Variants in SPMIP2 observed in about 807,000 individuals in gnomAD.
SPMIP2 encodes sperm microtubule inner protein 2, also known as protein SPMIP2.
At chr4:159,055,701 C>T in the SPMIP2 span, among the ~76,000 whole-genome samples, 1 of 151,866 alleles carries the variant, frequency 6.6e-6, no homozygotes, top group Non-Finnish European at 1.5e-5. Context: ...CAGAGTAAGA[C>T]CCTGTCTCAA....
chr4:159,023,442 G>A, the SPMIP2 span, among the ~76,000 whole-genome samples: 57 of 152,248 alleles, frequency 3.7e-4, no homozygotes, highest in African/African-American at 8.2e-4. Flanking sequence ...ATAATCACAT[G>A]AGCCAATCCC....
At chr4:158,905,781 C>T in the SPMIP2 span, 1 of 151,314 alleles carries the variant, frequency 6.6e-6, no homozygotes, top group Non-Finnish European at 1.5e-5. Flanking sequence ...GTACTGACAT[C>T]CAGGGTAAAG....
the SPMIP2 span, among the ~76,000 whole-genome samples, chr4:159,039,011 C>T: frequency 6.6e-6 from 1 of 152,128 alleles, no homozygotes; most frequent in Non-Finnish European, 1.5e-5. Flanking sequence ...CAGAGTCTCA[C>T]TGTGTCACCC....
chr4:159,040,648 T>C, the SPMIP2 span, among the ~76,000 whole-genome samples: 1 of 152,016 alleles, frequency 6.6e-6, no homozygotes, highest in Non-Finnish European at 1.5e-5. Context: ...GTACATTTTG[T>C]AGAAAAAAGG....
At chr4:159,044,368 C>CAA in the SPMIP2 span, among the ~76,000 whole-genome samples, 44 of 99,690 alleles carry the variant, frequency 4.4e-4, no homozygotes, top group Non-Finnish European at 6.6e-4. Flanking sequence ...GACTCCATCT[C>CAA]AAAAAAAAAA....
At chr4:158,986,725 G>A in the SPMIP2 span, among the ~76,000 whole-genome samples, 4 of 152,114 alleles carry the variant, frequency 2.6e-5, no homozygotes, top group Non-Finnish European at 5.9e-5. Flanking sequence ...GCATGGGCAA[G>A]GACTTCATGT....
chr4:159,040,455 G>A, the SPMIP2 span, among the ~76,000 whole-genome samples: 1 of 151,080 alleles, frequency 6.6e-6, no homozygotes, highest in Non-Finnish European at 1.5e-5. Flanking sequence ...ACAGGTGTGA[G>A]CCACTGCGCC....
chr4:159,037,767 T>C, the SPMIP2 span, among the ~76,000 whole-genome samples: 1 of 146,988 alleles, frequency 6.8e-6, no homozygotes. Context: ...AGTGAGACCT[T>C]GTCTCAAAAA....
At chr4:158,927,998 C>G in the SPMIP2 span, among the ~76,000 whole-genome samples, 1 of 152,224 alleles carries the variant, frequency 6.6e-6, no homozygotes, top group East Asian at 1.9e-4. Flanking sequence ...CCTCTGTGGG[C>G]TCCTGTGCAG....
the SPMIP2 span, among the ~76,000 whole-genome samples, chr4:159,025,854 G>A: frequency 6.6e-6 from 1 of 152,144 alleles, no homozygotes; most frequent in East Asian, 1.9e-4. Context: ...GGGGAAAGCC[G>A]ACATTGGTGT....
chr4:158,944,770 G>A, the SPMIP2 span, among the ~76,000 whole-genome samples: 1 of 152,034 alleles, frequency 6.6e-6, no homozygotes, highest in African/African-American at 2.4e-5. Flanking sequence ...CATCCCTTCT[G>A]GTAAGTCCTG....
chr4:158,985,918 T>A, the SPMIP2 span, among the ~76,000 whole-genome samples: 1 of 150,842 alleles, frequency 6.6e-6, no homozygotes, highest in South Asian at 2.1e-4. Flanking sequence ...CTTAAGCTGA[T>A]AAGCAACTTC....
chr4:158,939,443 C>T, the SPMIP2 span, among the ~76,000 whole-genome samples: 7 of 151,440 alleles, frequency 4.6e-5, no homozygotes, highest in African/African-American at 1.2e-4. Flanking sequence ...ATATGACTCT[C>T]GAAAATATGA....
At chr4:159,069,163 C>T in the SPMIP2 span, among the ~76,000 whole-genome samples, 8 of 152,042 alleles carry the variant, frequency 5.3e-5, no homozygotes, top group South Asian at 2.1e-4. Flanking sequence ...ATTAGCCAGG[C>T]GTGGTGGTGG....
the SPMIP2 span, among the ~76,000 whole-genome samples, chr4:158,930,882 C>T: frequency 7.2e-5 from 11 of 152,298 alleles, no homozygotes; most frequent in African/African-American, 2.6e-4. Flanking sequence ...TACCTTTTAA[C>T]AGTTTGACTG....
chr4:158,960,407 TCC>T, the SPMIP2 span: 1 of 927,184 alleles, frequency 1.1e-6, no homozygotes, highest in Non-Finnish European at 1.7e-6. Context: ...GGTCTAAGTA[TCC>T]ATATTTCTAG....
chr4:158,906,278 T>C, the SPMIP2 span: 2 of 152,214 alleles, frequency 1.3e-5, no homozygotes, highest in African/African-American at 4.8e-5. Flanking sequence ...TCTCATTACG[T>C]GTAAATAAAC....
chr4:158,998,166 A>G, the SPMIP2 span, among the ~76,000 whole-genome samples: 2 of 152,326 alleles, frequency 1.3e-5, no homozygotes, highest in East Asian at 3.9e-4. Context: ...AATTTTATAT[A>G]GTTTTTATGG....
the SPMIP2 span, among the ~76,000 whole-genome samples, chr4:159,045,573 T>C: frequency 6.6e-6 from 1 of 152,012 alleles, no homozygotes; most frequent in African/African-American, 2.4e-5. Context: ...AAAAGGAATG[T>C]GGGGGTGGGA....
Sources: gnomAD v4.1 joint callset for allele counts (sites outside exome capture counted in the v4.1 genomes callset) on GRCh38, gnomAD v4.1.1 for gene constraint, MANE v1.5 for transcripts, NCBI Gene and HGNC (gene_info 2026-07-23, HGNC 2026-07-21) for gene names.